C1orf87: variants seen among roughly 807,000 people sequenced by gnomAD.
C1orf87 encodes chromosome 1 open reading frame 87.
C1orf87 carries 58 observed loss-of-function variants against 60.5 expected under a neutral mutation model. The observed-to-expected ratio is 0.96, with a 90% CI of 0.78 to 1.19. The LOEUF is 1.19. Among genes scored for constraint, C1orf87 ranks in the 50% most tolerant of loss-of-function variants. The pLI, the probability that C1orf87 is intolerant of heterozygous loss-of-function variation, is 0.00. For missense variants in C1orf87, 673 were observed against 638.6 expected, an observed-to-expected ratio of 1.05 and a Z score of -0.58; for synonymous variants, 236 against 227.4, an observed-to-expected ratio of 1.04 and a Z score of -0.34.
Position 60,056,105 on chromosome 1 carries a change from G to A in C1orf87, c.108-667C>T, listed in dbSNP as rs896681094. Among the ~76,000 whole-genome samples the A allele has an allele frequency of 3.3e-5, 5 of 152,102 alleles. No individual in the cohort carries two copies. In the East Asian group the frequency reaches 7.7e-4, roughly 24 times the overall value. On this transcript the variant is annotated intron_variant, in intron 2 of 11. Transcript: ENST00000371201. ...CTAAAAATACAAAAATCAGCCGGGC[G>A]TGGTGGCACACACCTGTAGTCCCAG...
intron 7 of C1orf87, among the ~76,000 whole-genome samples, chr1:60,027,473 C>A (rs1179862800): frequency 6.6e-6 from 1 of 152,128 alleles, no homozygotes; most frequent in Admixed American, 6.5e-5. Context: ...GTGGCCTGGC[C>A]CCGCATGGTG....
chr1:60,024,611 C>T (rs1335534423), intron 8 of C1orf87, among the ~76,000 whole-genome samples: 1 of 152,138 alleles, frequency 6.6e-6, no homozygotes, highest in Non-Finnish European at 1.5e-5. Flanking sequence ...CACTTCTCTA[C>T]TCCTCTGTGC....
chr1:60,045,672 G>C (rs1166841225), intron 3 of C1orf87, among the ~76,000 whole-genome samples: 1 of 152,180 alleles, frequency 6.6e-6, no homozygotes, highest in Non-Finnish European at 1.5e-5. Flanking sequence ...CTGTAAAGCA[G>C]TGGTTCTTAA....
At chr1:60,004,798 T>C (rs1645030991) in intron 9 of C1orf87, among the ~76,000 whole-genome samples, 1 of 151,878 alleles carries the variant, frequency 6.6e-6, no homozygotes, top group Non-Finnish European at 1.5e-5. Context: ...TTCCAGGTGT[T>C]GGAGGGCCAG....
chr1:60,051,511 C>A (rs564576496), intron 3 of C1orf87, among the ~76,000 whole-genome samples: 1 of 152,282 alleles, frequency 6.6e-6, no homozygotes, highest in African/African-American at 2.4e-5. Flanking sequence ...AAACACAGAG[C>A]AGACCTGAAT....
intron 3 of C1orf87, 30 bp from the exon 4 acceptor site, chr1:60,041,161 G>A: frequency 1.3e-6 from 2 of 1,494,598 alleles, no homozygotes; most frequent in East Asian, 2.4e-5. Flanking sequence ...AGGGAAGCAA[G>A]GAGCAGAAGA....
At position 60,046,756 on chromosome 1, in the gene C1orf87, G is replaced by A. The variant is rs533085860; in HGVS notation, c.343-5625C>T. Among the ~76,000 whole-genome samples the A allele has an allele frequency of 3.3e-5, 5 of 152,212 alleles. No individual in the cohort carries two copies. In the South Asian group the frequency reaches 1.0e-3, roughly 32 times the overall value. ...ATCCAGGCTTACATATTTTTAAAATGTCTAGTCTTCCCACTCTGCCCCTTT... is the reference window on the plus strand; with the variant it reads ...ATCCAGGCTTACATATTTTTAAAATATCTAGTCTTCCCACTCTGCCCCTTT... On this transcript the variant is annotated intron_variant, in intron 3 of 11. Coordinates refer to ENST00000371201, the MANE Select transcript of C1orf87 (RefSeq NM_152377.3).
chr1:59,996,650 C>T (rs529480285), intron 11 of C1orf87, among the ~76,000 whole-genome samples: 20 of 152,294 alleles, frequency 1.3e-4, no homozygotes, highest in African/African-American at 4.6e-4. Context: ...CCAGAAAAGG[C>T]TACTTCATTC....
At position 60,008,240 on chromosome 1, in the gene C1orf87, A is replaced by G. The variant is rs535759307; in HGVS notation, c.1192+2152T>C. 9.9e-5 allele frequency among the ~76,000 whole-genome samples: 15 copies of G among 152,186 alleles called. No individual in the cohort carries two copies. In the South Asian group the frequency reaches 3.1e-3, roughly 32 times the overall value. On this transcript the variant is annotated intron_variant, in intron 9 of 11. Coordinates refer to ENST00000371201, the MANE Select transcript of C1orf87 (RefSeq NM_152377.3). ...TGTTTGTCAGACTCACAATCACCCT[A>G]TAAGATCAATAGGGCAGGTTTGCAT...
At chr1:60,035,961 A>G (rs1645273010) in intron 6 of C1orf87, among the ~76,000 whole-genome samples, 1 of 152,218 alleles carries the variant, frequency 6.6e-6, no homozygotes, top group African/African-American at 2.4e-5. Flanking sequence ...CTTTCTGTCT[A>G]GGACTCATAA....
chr1:60,011,784 A>T (rs1645086818), intron 8 of C1orf87, among the ~76,000 whole-genome samples: 1 of 152,146 alleles, frequency 6.6e-6, no homozygotes. Context: ...CTTATACTTC[A>T]TGAAGGCTTT....
chr1:60,038,245 T>C (rs1409737642), intron 5 of C1orf87, 138 bp from the exon 6 acceptor site: 1 of 502,552 alleles, frequency 2.0e-6, no homozygotes, highest in Non-Finnish European at 3.6e-6. Context: ...ATCATAATTA[T>C]TGGTGCTTTT....
chr1:60,039,537 G>A (rs992059821), intron 5 of C1orf87, among the ~76,000 whole-genome samples: 1 of 152,116 alleles, frequency 6.6e-6, no homozygotes, highest in Non-Finnish European at 1.5e-5. Flanking sequence ...AACTCTCTAG[G>A]AAGTTGTGAT....
intron 8 of C1orf87, among the ~76,000 whole-genome samples, chr1:60,014,905 A>G (rs1345322858): frequency 6.6e-6 from 1 of 152,192 alleles, no homozygotes; most frequent in Admixed American, 6.5e-5. Context: ...GAATATTGAT[A>G]AAGAGTTAGC....
chr1:60,043,150 A>G (rs543369926), intron 3 of C1orf87, among the ~76,000 whole-genome samples: 1 of 152,320 alleles, frequency 6.6e-6, no homozygotes, highest in South Asian at 2.1e-4. Context: ...GGAAAAGGCA[A>G]AAGATAAGCC....
rs559976203 is a variant in C1orf87, at chr1:60,069,966, T to C, written c.107+2571A>G. On this transcript the variant is annotated intron_variant, in intron 2 of 11. Coordinates refer to ENST00000371201, the MANE Select transcript of C1orf87 (RefSeq NM_152377.3). The stretch of plus-strand genomic sequence containing the variant: ...AGATGCAGATGCAGGGAGAAAGCCA[T>C]GTGAAGCTTGGAGATATGCTGCCAC... Among the ~76,000 whole-genome samples, 6 of 152,248 alleles carry C rather than the reference T, an allele frequency of 3.9e-5. No individual in the cohort carries two copies. The East Asian group carries it at 1.2e-3, about 29-fold the overall frequency.
intron 2 of C1orf87, among the ~76,000 whole-genome samples, chr1:60,070,951 T>C (rs1016253368): frequency 6.6e-6 from 1 of 152,124 alleles, no homozygotes; most frequent in Non-Finnish European, 1.5e-5. Context: ...ACAAATAACC[T>C]AAATAAGGAA....
chr1:60,045,777 T>A (rs972063210), intron 3 of C1orf87, among the ~76,000 whole-genome samples: 2 of 152,164 alleles, frequency 1.3e-5, no homozygotes, highest in East Asian at 3.9e-4. Flanking sequence ...AAATAGAAAT[T>A]TGTGGGATGG....
At chr1:60,033,713 C>T (rs1645255742) in intron 6 of C1orf87, 72 bp from the exon 7 acceptor site, 2 of 1,507,144 alleles carry the variant, frequency 1.3e-6, no homozygotes, top group South Asian at 2.6e-5. Context: ...TTTCCTACTA[C>T]ATTTCTCAAC....
Sources: gnomAD v4.1 joint callset for allele counts (sites outside exome capture counted in the v4.1 genomes callset) on GRCh38, gnomAD v4.1.1 for gene constraint, MANE v1.5 for transcripts, NCBI Gene and HGNC (gene_info 2026-07-23, HGNC 2026-07-21) for gene names.